The following USP31 variants were observed in gnomAD, a reference collection of about 807,000 sequenced individuals.
USP31 encodes the protein ubiquitin specific peptidase 31.
In USP31, 44 loss-of-function variants were observed where a neutral mutation model predicts 119.4. The observed-to-expected ratio is 0.37, with a 90% CI of 0.29 to 0.47. The LOEUF (loss-of-function observed/expected upper bound fraction) is 0.47, where lower values mean the gene tolerates loss of function less well. Among genes scored for constraint, USP31 ranks in the 20% least tolerant of loss-of-function variants. The probability of loss-of-function intolerance (pLI) is 0.99; values close to 1 mark genes in which losing one functional copy is unlikely to be tolerated. For synonymous variants in USP31, 749 were observed against 705.6 expected (o/e 1.06, Z -0.97); for missense variants, 1,643 against 1,730.2 (o/e 0.95, Z 0.89).
At chr16:23,087,377 G>T (rs1247632427) in intron 8 of USP31, among the ~76,000 whole-genome samples, 191 bp from the exon 9 acceptor site, 1 of 152,150 alleles carries the variant, frequency 6.6e-6, no homozygotes, top group African/African-American at 2.4e-5. Flanking sequence ...TGCGATTTAC[G>T]TATCAAATAT....
At position 23,068,851 on chromosome 16, in the gene USP31, C is replaced by T; in HGVS notation, c.3254G>A (p.Gly1085Glu). The T allele has an allele frequency of 6.4e-7, 1 of 1,573,798 alleles. No individual in the cohort carries two copies. The highest frequency in any genetic ancestry group is 8.6e-7 in the Non-Finnish European group (1 of 1,161,568). Residue 1085 changes from glycine to glutamate, a missense_variant, in exon 16 of 16, where the codon GGA (glycine) becomes GAA (glutamate). By Grantham distance (98) the Gly-to-Glu change is moderately conservative. Transcript: ENST00000219689. ...GGCAGGGGCAGGGGATGAATGCCGT[C>T]CACTGCCCCTGGAAGAAGAATCTGC... Reference protein sequence around the residue: ...SKADSSSRGSGRHSSPAPAQP... With the variant: ...SKADSSSRGSERHSSPAPAQP...
In USP31 at chr16:23,071,811, G is replaced by A. The variant is rs577468256; in HGVS notation, c.2488+234C>T. Among the ~76,000 whole-genome samples the A allele has an allele frequency of 3.3e-5, 5 of 151,924 alleles. No individual in the cohort carries two copies. In the South Asian group the frequency reaches 1.0e-3, roughly 32 times the overall value. On this transcript the variant is annotated intron_variant, in intron 15 of 15. Transcript: ENST00000219689. ...AGCCTCCACAAGAGACCTTACAAGT[G>A]GAAAATAATGAAGTGGAAGGAGAAA...
intron 1 of USP31, among the ~76,000 whole-genome samples, chr16:23,144,494 T>C (rs903597557): frequency 9.2e-5 from 14 of 152,146 alleles, no homozygotes; most frequent in Non-Finnish European, 1.9e-4. Context: ...TTTTTCCTTT[T>C]TTTGAGGCAG....
At chr16:23,092,804 C>A (rs1470932487) in intron 6 of USP31, among the ~76,000 whole-genome samples, 3 of 151,994 alleles carry the variant, frequency 2.0e-5, no homozygotes, top group Admixed American at 1.3e-4. Flanking sequence ...GAAAGCTGGC[C>A]AACCCAATAT....
Position 23,068,631 on chromosome 16 carries a change from G to A in USP31, c.3474C>T (p.Gly1158=), listed in dbSNP as rs376265859. 6 of 1,614,108 alleles carry A rather than the reference G, an allele frequency of 3.7e-6. No individual in the cohort carries two copies. In the African/African-American group the frequency reaches 8.0e-5, roughly 22 times the overall value. ...TGTCAGAACCCAAGCTTTGTCTGGA[G>A]CCCTCTCTACTCAAGCTGTGGTCTG... ...RTSDHSLSRE[G]SRQSLGSDRA... Residue 1158 remains glycine (G), a synonymous_variant, in exon 16 of 16, where the codon GGC becomes GGT. Transcript: ENST00000219689.
At chr16:23,118,021 T>TC (rs1902552746) in intron 1 of USP31, among the ~76,000 whole-genome samples, 2 of 152,174 alleles carry the variant, frequency 1.3e-5, no homozygotes, top group African/African-American at 2.4e-5. Context: ...ACTCCTGACT[T>TC]CAAGTGATCC....
At position 23,143,490 on chromosome 16, in the gene USP31, G is replaced by T. The variant is rs1284954485; in HGVS notation, c.633+5148C>A. 5.3e-5 allele frequency among the ~76,000 whole-genome samples: 8 copies of T among 151,948 alleles called. No individual in the cohort carries two copies. The East Asian group carries it at 1.5e-3, about 29-fold the overall frequency. ...CTATTTTACTAGGAAAGTGATGCAA[G>T]GGTCCTGCCAGTGAAGCCCAAGTTT... On this transcript the variant is annotated intron_variant, in intron 1 of 15. Coordinates refer to ENST00000219689, the MANE Select transcript of USP31 (RefSeq NM_020718.4).
At position 23,149,139 on chromosome 16, in the gene USP31, G is replaced by T; in HGVS notation, c.132C>A (p.Ser44=). The part of the protein sequence containing the change: ...GGGGAGGPGA[S]GPAAPSSPSS... ...AGGGCGAGGAAGGCGCGGCCGGCCC[G>T]GACGCCCCGGGGCCCCCCGCGCCGC... is the stretch of plus-strand genomic sequence containing the variant. Residue 44 remains serine (S), a synonymous_variant, in exon 1 of 16, where the codon TCC becomes TCA. Coordinates refer to ENST00000219689, the MANE Select transcript of USP31 (RefSeq NM_020718.4). 1 of 1,240,606 alleles carries T rather than the reference G, an allele frequency of 8.1e-7. No homozygotes were observed. The highest frequency in any genetic ancestry group is 1.0e-6 in the Non-Finnish European group (1 of 971,036). 76.8% of individuals were successfully genotyped at this position (1,240,606 alleles called of 1,614,324 possible). A position where few individuals can be genotyped will look rare whatever the true frequency, so the allele number is the denominator to read the frequency against.
At chr16:23,121,532 A>C (rs1192436158) in intron 1 of USP31, among the ~76,000 whole-genome samples, 1 of 152,160 alleles carries the variant, frequency 6.6e-6, no homozygotes, top group Non-Finnish European at 1.5e-5. Flanking sequence ...GTGGATGCTA[A>C]ATGGATGAGT....
At chr16:23,097,878 C>T (rs1901681641) in intron 6 of USP31, among the ~76,000 whole-genome samples, 1 of 152,152 alleles carries the variant, frequency 6.6e-6, no homozygotes, top group Non-Finnish European at 1.5e-5. Context: ...ACTGAATGGG[C>T]AAAAACTGGA....
rs146191743 is a variant in USP31, at chr16:23,106,888, G to A, written c.772-401C>T. Among the ~76,000 whole-genome samples the A allele has an allele frequency of 3.5e-3, 528 of 152,178 alleles. 3 individuals are homozygous for A. Among genetic ancestry groups the A allele is most frequent in the African/African-American group, 0.012 (504 of 41,530 alleles). ...AACACTTTGAGAGGCAGGGGTGGGC[G>A]GATCACTTGAGGTCGGGAGTTCGAG... On this transcript the variant is annotated intron_variant, in intron 2 of 15. Coordinates refer to ENST00000219689, the MANE Select transcript of USP31 (RefSeq NM_020718.4).
At chr16:23,087,964 G>C in intron 7 of USP31, 129 bp from the exon 8 acceptor site, 2 of 724,934 alleles carry the variant, frequency 2.8e-6, no homozygotes, top group Non-Finnish European at 4.4e-6. Context: ...CAAAATAAAA[G>C]AAACAGGAAA....
At chr16:23,110,695 G>A (rs996900516) in intron 1 of USP31, among the ~76,000 whole-genome samples, 6 of 152,020 alleles carry the variant, frequency 3.9e-5, no homozygotes, top group African/African-American at 1.4e-4. Flanking sequence ...GTGAGGCCTG[G>A]GACTACTCTC....
chr16:23,090,883 A>G, intron 6 of USP31, 79 bp from the exon 7 acceptor site: 1 of 1,322,612 alleles, frequency 7.6e-7, no homozygotes, highest in Non-Finnish European at 9.9e-7. Flanking sequence ...TTTACCCAAC[A>G]GAGAAAATTT....
At chr16:23,098,565 C>T (rs2141863185) in intron 6 of USP31, among the ~76,000 whole-genome samples, 1 of 152,272 alleles carries the variant, frequency 6.6e-6, no homozygotes, top group South Asian at 2.1e-4. Context: ...TACCTAACTT[C>T]AAACTATACT....
intron 1 of USP31, among the ~76,000 whole-genome samples, chr16:23,129,852 G>A (rs944163107): frequency 6.6e-6 from 1 of 152,200 alleles, no homozygotes; most frequent in Non-Finnish European, 1.5e-5. Context: ...AACTAGTAAA[G>A]TGGGGATGTA....
At position 23,126,073 on chromosome 16, in the gene USP31, T is replaced by C. The variant is rs188755697; in HGVS notation, c.634-17890A>G. On this transcript the variant is annotated intron_variant, in intron 1 of 15. Transcript: ENST00000219689. ...CCTCATGCCTATAATCTCAGCACTTTGGGAGGCCGAGACGTGAGGATCACT... is the reference window on the plus strand; with the variant it reads ...CCTCATGCCTATAATCTCAGCACTTCGGGAGGCCGAGACGTGAGGATCACT... 1.2e-3 allele frequency among the ~76,000 whole-genome samples: 189 copies of C among 151,986 alleles called. 2 individuals are homozygous for C. Among genetic ancestry groups the C allele is most frequent in the Admixed American group, 7.1e-3 (109 of 15,258 alleles).
At chr16:23,135,343 G>A (rs759282408) in intron 1 of USP31, among the ~76,000 whole-genome samples, 1 of 151,826 alleles carries the variant, frequency 6.6e-6, no homozygotes, top group Non-Finnish European at 1.5e-5. Flanking sequence ...TCTAGCCAGA[G>A]CAATTAGGCA....
At chr16:23,082,660 C>T (rs1214486624) in intron 11 of USP31, 103 bp from the exon 12 acceptor site, 1 of 1,488,622 alleles carries the variant, frequency 6.7e-7, no homozygotes, top group African/African-American at 1.4e-5. Flanking sequence ...CAAAATCTCT[C>T]TGTAAACCGC....
Sources: allele counts gnomAD v4.1 joint callset (sites outside exome capture counted in the v4.1 genomes callset), GRCh38; gene constraint gnomAD v4.1.1; transcripts MANE v1.5; gene names NCBI Gene and HGNC (gene_info 2026-07-23, HGNC 2026-07-21).